Variants in USP9X observed in about 807,000 individuals in gnomAD.
USP9X encodes the protein ubiquitin carboxyl-terminal hydrolase 9X.
A neutral mutation model predicts 190.3 loss-of-function variants in USP9X; 7 were observed. The observed-to-expected ratio is 0.04, with a 90% CI of 0.02 to 0.07. The LOEUF is 0.07. USP9X is among the 10% of genes least tolerant of loss of function. The pLI is 1.00. For missense variants in USP9X, 1,010 were observed against 1,916.9 expected (o/e 0.53, Z 8.83); for synonymous variants, 645 against 659.5 (o/e 0.98, Z 0.34).
rs1436113051 is a variant in USP9X at position 41,232,539 on chromosome X, A to G, written c.*15A>G. ...AGGATCAATGAAATGCACATAATTA[A>G]CTGGTTCCATCAAGACTGTGCACCC... On this transcript the variant is annotated 3_prime_UTR_variant, in exon 45 of 45. Coordinates refer to ENST00000378308, the MANE Select transcript of USP9X (RefSeq NM_001039591.3). 1.7e-6 allele frequency: 2 copies of G among 1,205,971 alleles called. No homozygotes were observed. The highest frequency in any genetic ancestry group is 2.2e-6 in the Non-Finnish European group (2 of 893,015).
chrX:41,182,559 C>A (rs2062837028), intron 21 of USP9X, among the ~76,000 whole-genome samples: 1 of 110,679 alleles, frequency 9.0e-6, no homozygotes, highest in African/African-American at 3.3e-5. Context: ...TATGTCAAGT[C>A]TTTGGGCATT....
At chrX:41,130,290 A>G (rs1428109874) in intron 3 of USP9X, among the ~76,000 whole-genome samples, 1 of 110,558 alleles carries the variant, frequency 9.0e-6, no homozygotes, top group Non-Finnish European at 1.9e-5. Flanking sequence ...TATATTTAAT[A>G]GTGGTCCCTG....
chrX:41,144,110 A>G (rs1289453084), intron 10 of USP9X, among the ~76,000 whole-genome samples: 2 of 111,726 alleles, frequency 1.8e-5, no homozygotes. Context: ...AATAAATTGT[A>G]TTAAAGGTTT....
intron 1 of USP9X, among the ~76,000 whole-genome samples, chrX:41,086,448 C>A (rs2061912417): frequency 1.8e-5 from 2 of 112,458 alleles, no homozygotes; most frequent in African/African-American, 6.4e-5. Flanking sequence ...GGCAGCCCCC[C>A]CGCCGTCCGC....
At chrX:41,205,248 G>T in intron 31 of USP9X, 55 bp from the exon 32 acceptor site, 1 of 928,766 alleles carries the variant, frequency 1.1e-6, no homozygotes, top group Non-Finnish European at 1.5e-6. Flanking sequence ...CTTGGCATTT[G>T]TCTCAACGTA....
rs1243267663 is a variant in USP9X at position 41,099,119 on chromosome X, TTTTA to T, written c.-159+13011_-159+13014del. Among the ~76,000 whole-genome samples the T allele has an allele frequency of 2.0e-3, 150 of 73,326 alleles. 7 individuals carry two copies. Among genetic ancestry groups the T allele is most frequent in the Middle Eastern group, 7.1e-3 (1 of 140 alleles). 63.7% of individuals were successfully genotyped at this position (73,326 alleles called of 115,157 possible). A position where few individuals can be genotyped will look rare whatever the true frequency, so the allele number is the denominator to read the frequency against. On this transcript the variant is annotated intron_variant, in intron 1 of 44. Coordinates refer to ENST00000378308, the MANE Select transcript of USP9X (RefSeq NM_001039591.3). ...TTGTTTTTTTTTTTTTTTTTTTTTT[TTTTA>T]AACAGAGATGGAGTCTCACTATGTT...
chrX:41,089,793 G>A (rs984547524), intron 1 of USP9X, among the ~76,000 whole-genome samples: 6 of 108,823 alleles, frequency 5.5e-5, no homozygotes, highest in African/African-American at 2.0e-4. Flanking sequence ...AACAATAACA[G>A]ACATTTATTT....
At position 41,184,380 on chromosome X, in the gene USP9X, C is replaced by T. The variant is rs1203655945; in HGVS notation, c.3280-17C>T. The T allele has an allele frequency of 2.5e-6, 3 of 1,201,229 alleles. No homozygotes were observed. Among genetic ancestry groups the T allele is most frequent in the Non-Finnish European group, 3.4e-6 (3 of 890,433 alleles). On this transcript the variant is annotated splice_polypyrimidine_tract_variant and intron_variant, in intron 22 of 44. Transcript: ENST00000378308. ...TCTTTTAATACAGCCCTCTCCCCCT[C>T]TTCTCTATTTTTCCAGGTAGTCTAT...
Position 41,225,081 on chromosome X carries a change from C to T in USP9X, c.7005C>T (p.Pro2335=), listed in dbSNP as rs368094017. 9.1e-6 allele frequency: 11 copies of T among 1,210,168 alleles called. No individual in the cohort carries two copies. The African/African-American group carries it at 1.7e-4, about 19-fold the overall frequency. ...ATTCCTATACCTATGAACTGCGGCC[C>T]TATTTGGATCTGCTTTTGCAAATCT... The part of the protein sequence containing the change: ...VAYSYTYELR[P]YLDLLLQILL... Residue 2335 remains proline (P), a synonymous_variant, in exon 41 of 45, where the codon CCC becomes CCT. Coordinates refer to ENST00000378308, the MANE Select transcript of USP9X (RefSeq NM_001039591.3).
At chrX:41,140,311 C>T (rs1347434828) in intron 6 of USP9X, among the ~76,000 whole-genome samples, 1 of 111,907 alleles carries the variant, frequency 8.9e-6, no homozygotes, top group Non-Finnish European at 1.9e-5. Context: ...TTTCTGCCTC[C>T]TGAAAATTAT....
chrX:41,157,066 A>G (rs755290445), intron 14 of USP9X, among the ~76,000 whole-genome samples: 2 of 111,954 alleles, frequency 1.8e-5, no homozygotes, highest in Non-Finnish European at 3.8e-5. Context: ...AATTGAAAAC[A>G]TTCCCCAAGC....
At chrX:41,228,220 A>G (rs1336432080) in intron 41 of USP9X, among the ~76,000 whole-genome samples, 1 of 112,303 alleles carries the variant, frequency 8.9e-6, no homozygotes, top group African/African-American at 3.2e-5. Context: ...ATGTATCATT[A>G]CTTTATAGCT....
intron 1 of USP9X, among the ~76,000 whole-genome samples, chrX:41,123,111 C>T (rs2062205088): frequency 9.0e-6 from 1 of 111,584 alleles, no homozygotes; most frequent in Non-Finnish European, 1.9e-5. Flanking sequence ...AGGGACCCCA[C>T]CCTCATACCT....
At position 41,187,976 on chromosome X, in the gene USP9X, A is replaced by C. The variant is rs905132402; in HGVS notation, c.3685-16A>C. ...TCTCATTCTATCAACAGTTCTATTTACTCGTTATCTTGCAGGCTTCAAGAT... is the reference window on the plus strand; with the variant it reads ...TCTCATTCTATCAACAGTTCTATTTCCTCGTTATCTTGCAGGCTTCAAGAT... On this transcript the variant is annotated splice_polypyrimidine_tract_variant and intron_variant, in intron 24 of 44. Transcript: ENST00000378308. 8.4e-7 allele frequency: 1 copy of C among 1,196,582 alleles called. No homozygotes were observed. Among genetic ancestry groups the C allele is most frequent in the East Asian group, 3.0e-5 (1 of 33,620 alleles).
chrX:41,092,764 A>G (rs1331333858), intron 1 of USP9X, among the ~76,000 whole-genome samples: 1 of 111,706 alleles, frequency 9.0e-6, no homozygotes, highest in Non-Finnish European at 1.9e-5. Context: ...CCCTGTCATC[A>G]AATTGATTGC....
chrX:41,199,053 G>A (rs1233006991), intron 30 of USP9X, among the ~76,000 whole-genome samples: 1 of 110,659 alleles, frequency 9.0e-6, no homozygotes, highest in African/African-American at 3.3e-5. Flanking sequence ...GCATTGTGGT[G>A]CACACCTGTA....
chrX:41,100,441 G>A (rs1358950500), intron 1 of USP9X, among the ~76,000 whole-genome samples: 2 of 111,847 alleles, frequency 1.8e-5, no homozygotes, highest in East Asian at 5.6e-4. Flanking sequence ...AGTCTTTAGT[G>A]TTAACTACTG....
chrX:41,089,427 C>A (rs1183637831), intron 1 of USP9X, among the ~76,000 whole-genome samples: 1 of 111,970 alleles, frequency 8.9e-6, no homozygotes, highest in African/African-American at 3.3e-5. Flanking sequence ...AGATAGTCTC[C>A]AATTTGATAA....
At chrX:41,176,989 G>T (rs1261031827) in intron 21 of USP9X, among the ~76,000 whole-genome samples, 1 of 111,834 alleles carries the variant, frequency 8.9e-6, no homozygotes, top group Non-Finnish European at 1.9e-5. Context: ...TGTTTACAAA[G>T]AATACAGTTG....
Sources: gnomAD v4.1 joint callset for allele counts (sites outside exome capture counted in the v4.1 genomes callset) on GRCh38, gnomAD v4.1.1 for gene constraint, MANE v1.5 for transcripts, NCBI Gene and HGNC (gene_info 2026-07-23, HGNC 2026-07-21) for gene names.